The following RRAS2 variants were observed in gnomAD, a reference collection of about 807,000 sequenced individuals.
The protein encoded by RRAS2 is ras-related protein R-Ras2.
Under a neutral mutation model 27.6 loss-of-function variants are expected in RRAS2, and 7 were observed. The ratio of observed to expected loss-of-function variants is 0.25; its 90% CI spans 0.14 to 0.48. The LOEUF is 0.48. Among genes scored for constraint, RRAS2 ranks in the 20% least tolerant of loss-of-function variants. The pLI is 0.99. For missense variants in RRAS2, 178 were observed against 256.2 expected, an observed-to-expected ratio of 0.69 and a Z score of 2.08; for synonymous variants, 86 against 90.9, an observed-to-expected ratio of 0.95 and a Z score of 0.31.
chr11:14,319,829 A>G (rs1260943411), intron 1 of RRAS2, among the ~76,000 whole-genome samples: 2 of 152,194 alleles, frequency 1.3e-5, no homozygotes, highest in East Asian at 3.8e-4. Context: ...TATCAGTTGT[A>G]TTTTTCAGAG....
chr11:14,358,619 G>C lies in RRAS2; in HGVS notation c.108+144C>G. The C allele has an allele frequency of 1.0e-6, 1 of 978,876 alleles. No individual in the cohort carries two copies. The highest frequency in any genetic ancestry group is 1.8e-5 in the African/African-American group (1 of 56,998). The allele number at this position is 978,876 out of a possible 1,614,324, so 60.6% of individuals were successfully genotyped here. A position where few individuals can be genotyped will look rare whatever the true frequency, so the allele number is the denominator to read the frequency against. On this transcript the variant is annotated intron_variant, in intron 1 of 5. Coordinates refer to ENST00000256196, the MANE Select transcript of RRAS2 (RefSeq NM_012250.6). This position sits in a 1 kb window ranked among gnomAD's most constrained non-coding sequence, Gnocchi z 5.1. ...GCGGCCGCAGGGCAGGAGCGTAGTCGGCCCCGCGCCCTCCCGCCCCCTGGC... is the reference window on the plus strand; with the variant it reads ...GCGGCCGCAGGGCAGGAGCGTAGTCCGCCCCGCGCCCTCCCGCCCCCTGGC...
chr11:14,359,038 G>A lies in RRAS2; in HGVS notation c.-168C>T, dbSNP rs1849147545. On this transcript the variant is annotated 5_prime_UTR_variant, in exon 1 of 6. Coordinates refer to ENST00000256196, the MANE Select transcript of RRAS2 (RefSeq NM_012250.6). ...CCGGTCAGCGCGGTAGCGCGGCGCT[G>A]GGGACTGGCTGGGTACCGCCCGAGG... 7 of 1,122,110 alleles carry A rather than the reference G, an allele frequency of 6.2e-6. No individual in the cohort carries two copies. The highest frequency in any genetic ancestry group is 7.6e-6 in the Non-Finnish European group (7 of 918,466). The allele number at this position is 1,122,110 out of a possible 1,614,324, so 69.5% of individuals were successfully genotyped here.
chr11:14,309,765 G>C (rs1554948604), intron 1 of RRAS2, among the ~76,000 whole-genome samples: 1 of 151,762 alleles, frequency 6.6e-6, no homozygotes, highest in Non-Finnish European at 1.5e-5. Flanking sequence ...ACATGAGAGA[G>C]TGGTTAATGA....
chr11:14,324,945 A>G (rs1848317389), intron 1 of RRAS2, among the ~76,000 whole-genome samples: 1 of 152,224 alleles, frequency 6.6e-6, no homozygotes, highest in Non-Finnish European at 1.5e-5. Context: ...ATGCATGTGG[A>G]AAAAAGCGAG....
rs563986257 is a variant in RRAS2 at position 14,305,325 on chromosome 11, G to A, written c.109-9470C>T. ...TTTTTCCTAAATTGCAGGTATATTC[G>A]GAGGCCAAACCACAAAAGCTACTAC... is the stretch of plus-strand genomic sequence containing the variant. On this transcript the variant is annotated intron_variant, in intron 1 of 5. Coordinates refer to ENST00000256196, the MANE Select transcript of RRAS2 (RefSeq NM_012250.6). Among the ~76,000 whole-genome samples the A allele has an allele frequency of 5.9e-5, 9 of 152,248 alleles. No homozygotes were observed. In the South Asian group the frequency reaches 1.7e-3, roughly 28 times the overall value.
At chr11:14,288,403 T>C (rs1849720376) in intron 4 of RRAS2, among the ~76,000 whole-genome samples, 1 of 152,224 alleles carries the variant, frequency 6.6e-6, no homozygotes, top group Non-Finnish European at 1.5e-5. Context: ...CACAGCATAC[T>C]TTTAACTAAG....
chr11:14,310,039 G>A (rs1847924457), intron 1 of RRAS2, among the ~76,000 whole-genome samples: 1 of 152,196 alleles, frequency 6.6e-6, no homozygotes, highest in Non-Finnish European at 1.5e-5. Context: ...GAATGGAGGT[G>A]TAAAGTGGCC....
At chr11:14,312,489 G>T (rs189034466) in intron 1 of RRAS2, among the ~76,000 whole-genome samples, 4 of 151,946 alleles carry the variant, frequency 2.6e-5, no homozygotes, top group African/African-American at 9.7e-5. Flanking sequence ...GCCCGATCAC[G>T]GCTTACTGCT....
upstream of RRAS2, among the ~76,000 whole-genome samples, chr11:14,360,913 CAA>C (rs78581800): frequency 1.9e-3 from 176 of 94,372 alleles, no homozygotes; most frequent in East Asian, 0.019. Flanking sequence ...AATGCGGGCT[CAA>C]AAAAAAAAAA....
chr11:14,321,362 T>C (rs1187331757), intron 1 of RRAS2, among the ~76,000 whole-genome samples: 1 of 152,194 alleles, frequency 6.6e-6, no homozygotes, highest in East Asian at 1.9e-4. Flanking sequence ...TCTACAAGGA[T>C]GGCACGAAAG....
At chr11:14,294,089 T>C (rs1847484411) in intron 4 of RRAS2, among the ~76,000 whole-genome samples, 1 of 152,202 alleles carries the variant, frequency 6.6e-6, no homozygotes, top group Admixed American at 6.5e-5. Context: ...TGAAGTTAAT[T>C]TAGTATTAAC....
At chr11:14,308,631 A>G (rs530600162) in intron 1 of RRAS2, among the ~76,000 whole-genome samples, 2 of 152,320 alleles carry the variant, frequency 1.3e-5, no homozygotes, top group African/African-American at 2.4e-5. Flanking sequence ...TTGAAGCCCT[A>G]CCTCTGCTAC....
intron 4 of RRAS2, among the ~76,000 whole-genome samples, chr11:14,289,141 C>T (rs1001992660): frequency 2.6e-5 from 4 of 152,122 alleles, no homozygotes; most frequent in Admixed American, 2.0e-4. Flanking sequence ...GGTTCTTTTT[C>T]CTAGGAGGCT....
intron 1 of RRAS2, among the ~76,000 whole-genome samples, chr11:14,351,208 C>T (rs1007409728): frequency 1.3e-5 from 2 of 152,140 alleles, no homozygotes; most frequent in Non-Finnish European, 2.9e-5. Context: ...CTATAAGTAA[C>T]TAATTTGTAC....
At chr11:14,280,559 C>G (rs532333488) in intron 5 of RRAS2, among the ~76,000 whole-genome samples, 1 of 151,774 alleles carries the variant, frequency 6.6e-6, no homozygotes. Flanking sequence ...AACCCCATCT[C>G]TACTAAAAAT....
chr11:14,315,128 C>A (rs1425203393), intron 1 of RRAS2, among the ~76,000 whole-genome samples: 2 of 152,140 alleles, frequency 1.3e-5, no homozygotes, highest in African/African-American at 4.8e-5. Context: ...ATCCTCATTC[C>A]GTAAGTGTGA....
intron 1 of RRAS2, chr11:14,341,860 T>G (rs1163908489): frequency 2.2e-6 from 1 of 453,934 alleles, no homozygotes; most frequent in African/African-American, 2.0e-5. Flanking sequence ...GACTCTTGCA[T>G]GCCTCCTCAA....
At position 14,358,808 on chromosome 11, in the gene RRAS2, G is replaced by A; in HGVS notation, c.63C>T (p.Gly21=). 6.7e-7 allele frequency: 1 copy of A among 1,488,618 alleles called. No individual in the cohort carries two copies. The highest frequency in any genetic ancestry group is 9.0e-7 in the Non-Finnish European group (1 of 1,113,010). The allele number at this position is 1,488,618 out of a possible 1,614,324, so 92.2% of individuals were successfully genotyped here. A position where few individuals can be genotyped will look rare whatever the true frequency, so the allele number is the denominator to read the frequency against. Residue 21 remains glycine, a synonymous_variant, in exon 1 of 6, where the codon GGC becomes GGT. Coordinates refer to ENST00000256196, the MANE Select transcript of RRAS2 (RefSeq NM_012250.6). This position sits in a 1 kb window ranked among gnomAD's most constrained non-coding sequence, Gnocchi z 5.1. ...GQEKYRLVVV[G]GGGVGKSALT... is the part of the protein sequence containing the mutation. The stretch of plus-strand genomic sequence containing the variant: ...GCGCCGACTTGCCCACGCCGCCCCC[G>A]CCGACCACCACGAGCCGGTACTTCT...
chr11:14,320,838 C>CT (rs1554950183), intron 1 of RRAS2, among the ~76,000 whole-genome samples: 1 of 152,134 alleles, frequency 6.6e-6, no homozygotes, highest in Non-Finnish European at 1.5e-5. Context: ...TGTGGGAAAA[C>CT]TATAAAAATG....
Sources: allele counts gnomAD v4.1 joint callset (sites outside exome capture counted in the v4.1 genomes callset), GRCh38; gene constraint gnomAD v4.1.1; non-coding constraint Gnocchi (gnomAD v3.1); transcripts MANE v1.5; gene names NCBI Gene and HGNC (gene_info 2026-07-23, HGNC 2026-07-21).